ANK2: variants seen among roughly 807,000 people sequenced by gnomAD.
The protein encoded by ANK2 is ankyrin 2.
In ANK2, 83 loss-of-function variants were observed where a neutral mutation model predicts 360.5. The observed-to-expected ratio is 0.23, with a 90% CI of 0.19 to 0.28. The LOEUF (loss-of-function observed/expected upper bound fraction) is 0.28. ANK2 is among the 10% of genes least tolerant of loss of function. ANK2 has a pLI of 1.00. For synonymous variants in ANK2, 1,740 were observed against 1,759.5 expected (o/e 0.99, Z 0.28); for missense variants, 4,201 against 4,795.7 (o/e 0.88, Z 3.66).
intron 1 of ANK2, among the ~76,000 whole-genome samples, chr4:112,875,209 G>A (rs375139860): frequency 1.3e-5 from 2 of 152,122 alleles, no homozygotes; most frequent in East Asian, 3.9e-4. Flanking sequence ...TAGTAGAGAT[G>A]GGTTTTGCCA....
intron 1 of ANK2, among the ~76,000 whole-genome samples, chr4:113,050,208 G>A (rs983627866): frequency 6.6e-6 from 1 of 152,120 alleles, no homozygotes; most frequent in Non-Finnish European, 1.5e-5. Context: ...GGCCAGATGC[G>A]TTTGCTCTAT....
intron 4 of ANK2, among the ~76,000 whole-genome samples, chr4:113,224,876 G>GTTTTTT (rs11325379): frequency 1.5e-5 from 2 of 133,244 alleles, no homozygotes; most frequent in African/African-American, 2.8e-5. Context: ...GATCTTTGAA[G>GTTTTTT]TTTTTTTTTT....
At position 113,293,489 on chromosome 4, in the gene ANK2, T is replaced by C. The variant is rs750861987; in HGVS notation, c.2426T>C (p.Val809Ala). 8.1e-6 allele frequency: 13 copies of C among 1,613,876 alleles called. No homozygotes were observed. In the Admixed American group the frequency reaches 1.8e-4, roughly 23 times the overall value. ...AIAKRLGYIS[V>A]VDTLKVVTEE... ...GCTAAGCGTCTGGGCTACATCTCCG[T>C]GGTCGACACCCTGAAGGTTGTGACT... The change falls in exon 22 of 46, where the codon GTG becomes GCG. Residue 809 changes from valine to alanine, a missense_variant. Around this residue, in one of 4 missense-constraint regions of ANK2, gnomAD observed 1,268 missense variants for 1,650.8 expected, o/e 0.77. Transcript: ENST00000357077.
chr4:112,906,713 T>C (rs1054962351), intron 2 of ANK2, among the ~76,000 whole-genome samples: 1 of 152,144 alleles, frequency 6.6e-6, no homozygotes, highest in South Asian at 2.1e-4. Context: ...GTATTTTCTC[T>C]GTGAAGAAGA....
chr4:113,053,786 G>C (rs1012360322), intron 1 of ANK2, among the ~76,000 whole-genome samples: 1 of 151,996 alleles, frequency 6.6e-6, no homozygotes, highest in Non-Finnish European at 1.5e-5. Context: ...TTTTTGTAGA[G>C]ACAGTCTCCC....
At chr4:112,771,933 G>A in the ANK2 span, among the ~76,000 whole-genome samples, 1 of 152,232 alleles carries the variant, frequency 6.6e-6, no homozygotes, top group Admixed American at 6.5e-5. Context: ...TCCTCTTGGT[G>A]TCCTGTGTCT....
rs905814995 is a variant in ANK2 at position 113,022,928 on chromosome 4, AT to A, written c.21+118424del. ...ACAAAAATATTAAATGTTTGGATTGATTTTTTTTTTAAATTGCACACACATA... is the reference window on the plus strand; with the variant it reads ...ACAAAAATATTAAATGTTTGGATTGATTTTTTTTTAAATTGCACACACATA... On this transcript the variant is annotated intron_variant, in intron 2 of 30. Coordinates refer to the ANK2 transcript ENST00000503271. Among the ~76,000 whole-genome samples the A allele has an allele frequency of 3.4e-4, 51 of 150,480 alleles. 1 individual carries two copies. The highest frequency in any genetic ancestry group is 1.9e-3 in the East Asian group (10 of 5,136).
chr4:113,160,270 G>A, intron 1 of ANK2: 1 of 379,236 alleles, frequency 2.6e-6, no homozygotes, highest in Non-Finnish European at 5.1e-6. Context: ...TCACTATGTT[G>A]TCAAGGCTGG....
At chr4:113,049,932 C>A in intron 1 of ANK2, 120 bp downstream of exon 1, 2 of 1,259,950 alleles carry the variant, frequency 1.6e-6, no homozygotes, top group Non-Finnish European at 2.2e-6. Context: ...TAGACGATAA[C>A]AGTGCCAAGC....
intron 1 of ANK2, among the ~76,000 whole-genome samples, chr4:112,833,909 G>C (rs12641798): frequency 0.13 from 19,722 of 152,212 alleles, 2,044 homozygotes; most frequent in East Asian, 0.5. Context: ...CTCCTCCTCA[G>C]AGACAACTGC....
At chr4:112,928,053 G>C (rs897462284) in intron 2 of ANK2, among the ~76,000 whole-genome samples, 1 of 152,086 alleles carries the variant, frequency 6.6e-6, no homozygotes, top group Non-Finnish European at 1.5e-5. Context: ...TAAAAAAGAA[G>C]TACACTTTTG....
intron 26 of ANK2, among the ~76,000 whole-genome samples, chr4:113,329,847 T>C (rs187736065): frequency 5.8e-4 from 88 of 152,348 alleles, no homozygotes; most frequent in African/African-American, 2.0e-3. Context: ...TTTCAACATG[T>C]AGATTTTTTA....
the ANK2 span, chr4:112,738,578 G>A: frequency 2.2e-6 from 1 of 455,110 alleles, no homozygotes; most frequent in South Asian, 1.7e-5. Flanking sequence ...TAGTCTGCAG[G>A]TTCAGGAGAG....
At chr4:112,720,505 T>C in the ANK2 span, among the ~76,000 whole-genome samples, 1 of 152,254 alleles carries the variant, frequency 6.6e-6, no homozygotes, top group South Asian at 2.1e-4. Flanking sequence ...CTCTCTGCAG[T>C]CTCTCCCATT....
At chr4:112,914,977 C>T (rs948160127) in intron 2 of ANK2, among the ~76,000 whole-genome samples, 8 of 152,176 alleles carry the variant, frequency 5.3e-5, no homozygotes, top group South Asian at 2.1e-4. Flanking sequence ...TAGCAAGTGA[C>T]GGCTGCCTCT....
At chr4:113,195,802 A>G (rs905326161) in intron 2 of ANK2, among the ~76,000 whole-genome samples, 3 of 152,202 alleles carry the variant, frequency 2.0e-5, no homozygotes, top group South Asian at 2.1e-4. Flanking sequence ...GATTTTTAAA[A>G]TCATATTAAT....
At chr4:113,318,728 G>A in intron 26 of ANK2, 108 bp downstream of exon 26, 1 of 906,658 alleles carries the variant, frequency 1.1e-6, no homozygotes, top group South Asian at 1.4e-5. Flanking sequence ...TACAGTGGAG[G>A]TGCCCTTTGT....
chr4:113,343,916 C>G (rs2094548328), intron 34 of ANK2, among the ~76,000 whole-genome samples: 1 of 152,098 alleles, frequency 6.6e-6, no homozygotes, highest in Non-Finnish European at 1.5e-5. Flanking sequence ...TTTTCCAATC[C>G]TACTTCACCT....
At chr4:112,875,650 A>C (rs982394729) in intron 1 of ANK2, among the ~76,000 whole-genome samples, 4 of 150,930 alleles carry the variant, frequency 2.7e-5, no homozygotes, top group Non-Finnish European at 5.9e-5. Context: ...ATTACCTTTA[A>C]TTTCTGCCGT....
Sources: allele counts gnomAD v4.1 joint callset (sites outside exome capture counted in the v4.1 genomes callset), GRCh38; gene constraint gnomAD v4.1.1; regional missense constraint gnomAD v4.1.1; transcripts MANE v1.5; gene names NCBI Gene and HGNC (gene_info 2026-07-23, HGNC 2026-07-21).